NRG3: variants seen among roughly 807,000 people sequenced by gnomAD.
The protein encoded by NRG3 is neuregulin 3, also known as pro-neuregulin-3, membrane-bound isoform.
A neutral mutation model predicts 66.9 loss-of-function variants in NRG3; 31 were observed. That is an observed-to-expected ratio of 0.46 (90% CI 0.35 to 0.63). The LOEUF is 0.63. Among genes scored for constraint, NRG3 ranks in the 20% least tolerant of loss-of-function variants. NRG3 has a pLI of 0.00. For missense variants in NRG3, 910 were observed against 878.9 expected, an observed-to-expected ratio of 1.04 and a Z score of -0.45; for synonymous variants, 393 against 359.4, an observed-to-expected ratio of 1.09 and a Z score of -1.06.
chr10:82,606,677 A>G (rs1324441248), intron 2 of NRG3, among the ~76,000 whole-genome samples: 1 of 152,126 alleles, frequency 6.6e-6, no homozygotes, highest in African/African-American at 2.4e-5. Context: ...ACTTTGACCC[A>G]CTTCCCTGCA....
At chr10:82,840,560 T>C (rs1279339211) in intron 3 of NRG3, among the ~76,000 whole-genome samples, 4 of 152,324 alleles carry the variant, frequency 2.6e-5, no homozygotes, top group African/African-American at 9.6e-5. Context: ...TTACATTCTA[T>C]TTTGCCCAAT....
At chr10:81,940,519 A>G (rs1848316723) in intron 1 of NRG3, among the ~76,000 whole-genome samples, 1 of 151,716 alleles carries the variant, frequency 6.6e-6, no homozygotes, top group African/African-American at 2.4e-5. Context: ...CTGATGGTTT[A>G]TTTTTATTTT....
intron 3 of NRG3, among the ~76,000 whole-genome samples, chr10:82,762,130 T>G (rs1228394113): frequency 6.6e-6 from 1 of 151,716 alleles, no homozygotes; most frequent in African/African-American, 2.4e-5. Flanking sequence ...CACAGCTCAC[T>G]GCAGCCTCCG....
At chr10:82,295,913 AAAC>A (rs1424459596) in intron 1 of NRG3, among the ~76,000 whole-genome samples, 2 of 151,914 alleles carry the variant, frequency 1.3e-5, no homozygotes, top group African/African-American at 2.4e-5. Context: ...AGGACAAAAA[AAAC>A]CCCTATTTTA....
In NRG3 at chr10:82,774,223, T is replaced by A. The variant is rs182591355; in HGVS notation, c.1027+35573T>A. Reference sequence around the variant, plus strand: ...TTTACACTAATGTTCATTAGACATATTGACTTCCAGTTTTCTTTTCCTGTG... The same window carrying A: ...TTTACACTAATGTTCATTAGACATAATGACTTCCAGTTTTCTTTTCCTGTG... On this transcript the variant is annotated intron_variant, in intron 3 of 8. Coordinates refer to ENST00000372141, the MANE Select transcript of NRG3 (RefSeq NM_001010848.4). Among the ~76,000 whole-genome samples, 9 of 152,320 alleles carry A rather than the reference T, an allele frequency of 5.9e-5. No homozygotes were observed. The East Asian group carries it at 1.2e-3, about 20-fold the overall frequency.
intron 2 of NRG3, among the ~76,000 whole-genome samples, chr10:82,646,630 A>G (rs188958155): frequency 6.0e-4 from 92 of 152,328 alleles, no homozygotes; most frequent in African/African-American, 1.8e-3. Flanking sequence ...TATTCATATA[A>G]TAACTATTAC....
intron 1 of NRG3, among the ~76,000 whole-genome samples, chr10:82,082,606 G>T (rs929297492): frequency 1.3e-5 from 2 of 152,166 alleles, no homozygotes; most frequent in Admixed American, 1.3e-4. Context: ...CTGTATCCAT[G>T]TATAGGAAAC....
chr10:82,539,799 A>AT (rs1197733059), intron 2 of NRG3, among the ~76,000 whole-genome samples: 1 of 151,850 alleles, frequency 6.6e-6, no homozygotes, highest in Non-Finnish European at 1.5e-5. Context: ...CGGCCAGCTA[A>AT]TTTTTTTGTA....
chr10:82,302,681 G>A (rs73306671), intron 1 of NRG3, among the ~76,000 whole-genome samples: 2,367 of 152,186 alleles, frequency 0.016, 58 homozygotes, highest in African/African-American at 0.054. Flanking sequence ...AGTTAATGAA[G>A]GATATCCCAA....
chr10:82,430,835 A>G (rs1031983212), intron 2 of NRG3, among the ~76,000 whole-genome samples: 2 of 152,246 alleles, frequency 1.3e-5, no homozygotes, highest in South Asian at 2.1e-4. Context: ...CCATCTGCCA[A>G]TGGGCTCTCT....
At chr10:82,921,732 A>C (rs1486829242) in intron 4 of NRG3, among the ~76,000 whole-genome samples, 1 of 152,228 alleles carries the variant, frequency 6.6e-6, no homozygotes, top group African/African-American at 2.4e-5. Context: ...AATATGTGAG[A>C]AAATTCAACA....
intron 2 of NRG3, among the ~76,000 whole-genome samples, chr10:82,441,965 A>G (rs552700453): frequency 1.1e-3 from 170 of 152,200 alleles, no homozygotes; most frequent in African/African-American, 3.9e-3. Context: ...TCTGATACCT[A>G]TTATTGTGGG....
At chr10:82,138,546 A>T (rs1676758906) in intron 1 of NRG3, among the ~76,000 whole-genome samples, 1 of 152,210 alleles carries the variant, frequency 6.6e-6, no homozygotes, top group African/African-American at 2.4e-5. Context: ...CAGAACTAAT[A>T]GGATACATGT....
Position 82,539,758 on chromosome 10 carries a change from G to A in NRG3, c.953+180890G>A, listed in dbSNP as rs547133754. Among the ~76,000 whole-genome samples the A allele has an allele frequency of 4.2e-4, 64 of 151,916 alleles. No individual in the cohort carries two copies. The East Asian group carries it at 4.3e-3, about 10-fold the overall frequency. ...AAGCAATTGTCTGCCTCAGCCTCCC[G>A]AGTAGCTGGGATTACAGGTGCTTGC... On this transcript the variant is annotated intron_variant, in intron 2 of 8. Coordinates refer to ENST00000372141, the MANE Select transcript of NRG3 (RefSeq NM_001010848.4).
chr10:82,231,832 T>G (rs2076484642), intron 1 of NRG3, among the ~76,000 whole-genome samples: 2 of 152,184 alleles, frequency 1.3e-5, no homozygotes. Flanking sequence ...TAAAGATATG[T>G]CTTCATAAAT....
chr10:82,731,378 A>AG (rs1459779694), intron 2 of NRG3, among the ~76,000 whole-genome samples: 13 of 136,356 alleles, frequency 9.5e-5, no homozygotes, highest in South Asian at 7.7e-4. Context: ...AAAAAAAAAA[A>AG]AAAAAAAAGA....
At chr10:82,435,855 G>C (rs1466248927) in intron 2 of NRG3, among the ~76,000 whole-genome samples, 3 of 139,402 alleles carry the variant, frequency 2.2e-5, no homozygotes, top group Admixed American at 1.5e-4. Flanking sequence ...AATTGGTTTT[G>C]AGTGAGTTTC....
intron 2 of NRG3, among the ~76,000 whole-genome samples, chr10:82,362,502 T>C (rs1025419273): frequency 6.7e-6 from 1 of 148,322 alleles, no homozygotes; most frequent in Admixed American, 6.8e-5. Context: ...GCCTTCTGAG[T>C]AGCTGGGACT....
intron 1 of NRG3, among the ~76,000 whole-genome samples, chr10:81,934,801 C>T (rs1375366262): frequency 6.6e-6 from 1 of 152,114 alleles, no homozygotes; most frequent in Non-Finnish European, 1.5e-5. Context: ...AAATCATGCT[C>T]TATTTGATGA....
Sources: allele counts gnomAD v4.1 joint callset (sites outside exome capture counted in the v4.1 genomes callset), GRCh38; gene constraint gnomAD v4.1.1; transcripts MANE v1.5; gene names NCBI Gene and HGNC (gene_info 2026-07-23, HGNC 2026-07-21).